The following ROR1 variants were observed in gnomAD, a reference collection of about 807,000 sequenced individuals.
ROR1 encodes inactive tyrosine-protein kinase transmembrane receptor ROR1.
In ROR1, 19 loss-of-function variants were observed where a neutral mutation model predicts 78.8. That is an observed-to-expected ratio of 0.24 (90% CI 0.17 to 0.35). The LOEUF is 0.35. Among genes scored for constraint, ROR1 ranks in the 10% least tolerant of loss-of-function variants. ROR1 has a pLI of 1.00. For synonymous variants in ROR1, 386 were observed against 433.6 expected (o/e 0.89, Z 1.36); for missense variants, 917 against 1,177.8 (o/e 0.78, Z 3.24).
chr1:64,082,548 G>T (rs1647112445), intron 4 of ROR1, among the ~76,000 whole-genome samples: 2 of 152,204 alleles, frequency 1.3e-5, no homozygotes, highest in African/African-American at 2.4e-5. Context: ...TCTAAGAAGT[G>T]CAGTTATCTG....
rs563083345 is a variant in ROR1 at position 64,171,597 on chromosome 1, A to G, written c.1387-5831A>G. Reference sequence around the variant, plus strand: ...AAAAAGGGCAGCAGTCAGTCTTGGGACATTAGAACATGGGGAATTAACTGG... The same window carrying G: ...AAAAAGGGCAGCAGTCAGTCTTGGGGCATTAGAACATGGGGAATTAACTGG... On this transcript the variant is annotated intron_variant, in intron 8 of 8. Coordinates refer to ENST00000371079, the MANE Select transcript of ROR1 (RefSeq NM_005012.4). Among the ~76,000 whole-genome samples, 9 of 152,312 alleles carry G rather than the reference A, an allele frequency of 5.9e-5. No homozygotes were observed. In the South Asian group the frequency reaches 1.7e-3, roughly 28 times the overall value.
At chr1:64,114,129 A>G (rs72916924) in intron 4 of ROR1, among the ~76,000 whole-genome samples, 2,016 of 152,134 alleles carry the variant, frequency 0.013, 42 homozygotes, top group African/African-American at 0.046. Context: ...AGCCTCACCT[A>G]CCAGGGGTAG....
chr1:63,921,971 G>A (rs1373949095), intron 1 of ROR1, among the ~76,000 whole-genome samples: 1 of 152,166 alleles, frequency 6.6e-6, no homozygotes, highest in Non-Finnish European at 1.5e-5. Flanking sequence ...TATCTCAGGA[G>A]CTCCCACTTT....
chr1:64,015,219 T>G (rs1258108298), intron 2 of ROR1, among the ~76,000 whole-genome samples: 2 of 152,068 alleles, frequency 1.3e-5, no homozygotes, highest in Admixed American at 6.6e-5. Flanking sequence ...TCCCACCAGG[T>G]TCCTCCCACG....
intron 1 of ROR1, among the ~76,000 whole-genome samples, chr1:63,884,895 A>G (rs974511367): frequency 2.0e-5 from 3 of 152,044 alleles, no homozygotes; most frequent in Admixed American, 2.0e-4. Context: ...GAGACATAAA[A>G]TAGCATAGTG....
intron 1 of ROR1, among the ~76,000 whole-genome samples, chr1:63,823,276 G>A (rs1644933930): frequency 6.6e-6 from 1 of 151,950 alleles, no homozygotes. Flanking sequence ...CCCAGTAAAT[G>A]TTGAATCCTC....
intron 1 of ROR1, among the ~76,000 whole-genome samples, chr1:63,791,609 C>A (rs998852): frequency 0.6 from 90,568 of 151,880 alleles, 28,221 homozygotes; most frequent in East Asian, 0.81. Context: ...CTGAGACCCC[C>A]ATGCCTCATT....
chr1:63,822,780 C>T (rs1268578357), intron 1 of ROR1, among the ~76,000 whole-genome samples: 2 of 152,264 alleles, frequency 1.3e-5, no homozygotes, highest in African/African-American at 4.8e-5. Context: ...TTGGGCATTA[C>T]TCCTCTCTCT....
intron 1 of ROR1, among the ~76,000 whole-genome samples, chr1:63,851,819 A>G (rs992354385): frequency 1.3e-5 from 2 of 152,248 alleles, no homozygotes; most frequent in East Asian, 1.9e-4. Context: ...AAATAATCCT[A>G]TAATCCTTCC....
At chr1:63,864,142 G>A (rs1283442219) in intron 1 of ROR1, among the ~76,000 whole-genome samples, 1 of 152,134 alleles carries the variant, frequency 6.6e-6, no homozygotes, top group Non-Finnish European at 1.5e-5. Context: ...TTAGAGATAA[G>A]ACAACCGAGG....
chr1:64,142,254 G>C (rs989260309), intron 6 of ROR1, 151 bp from the exon 7 acceptor site: 2 of 1,288,808 alleles, frequency 1.6e-6, no homozygotes, highest in African/African-American at 3.0e-5. Flanking sequence ...AGCAAAGCAG[G>C]GAGACTGTCC....
intron 4 of ROR1, among the ~76,000 whole-genome samples, chr1:64,130,191 A>G (rs1381341005): frequency 1.3e-5 from 2 of 152,182 alleles, no homozygotes; most frequent in Non-Finnish European, 2.9e-5. Context: ...CCAATAAAAG[A>G]AAAAGGGATG....
Position 64,180,167 on chromosome 1 carries a change from C to G in ROR1, c.*1312C>G, listed in dbSNP as rs1463415191. The G allele has an allele frequency of 3.9e-5, 6 of 152,176 alleles. No individual in the cohort carries two copies. Among genetic ancestry groups the G allele is most frequent in the Non-Finnish European group, 2.9e-5 (2 of 68,030 alleles). 9.4% of individuals were successfully genotyped at this position (152,176 alleles called of 1,614,324 possible). A position where few individuals can be genotyped will look rare whatever the true frequency, so the allele number is the denominator to read the frequency against. ...AGTGGGAGGTTTCAAATGTGCAGCT[C>G]ATGGCATTTACCTGCCGACCATCTT... On this transcript the variant is annotated 3_prime_UTR_variant, in exon 9 of 9. Coordinates refer to ENST00000371079, the MANE Select transcript of ROR1 (RefSeq NM_005012.4).
chr1:63,911,577 T>TC (rs960945860), intron 1 of ROR1, among the ~76,000 whole-genome samples: 24 of 150,548 alleles, frequency 1.6e-4, no homozygotes, highest in African/African-American at 5.4e-4. Flanking sequence ...CCCGAAACCA[T>TC]CCCCCCCACC....
chr1:63,924,200 T>C (rs553787754), intron 1 of ROR1, among the ~76,000 whole-genome samples: 3 of 152,274 alleles, frequency 2.0e-5, no homozygotes, highest in Middle Eastern at 3.4e-3. Flanking sequence ...TACAGTGTTT[T>C]AATTTTCTTC....
chr1:63,782,658 A>C (rs1052036357), intron 1 of ROR1, among the ~76,000 whole-genome samples: 1 of 149,306 alleles, frequency 6.7e-6, no homozygotes, highest in Non-Finnish European at 1.5e-5. Context: ...CAGCATTTTT[A>C]GATAGAATAA....
Position 64,177,431 on chromosome 1 carries a change from A to G in ROR1, c.1390A>G (p.Lys464Glu). The change falls in exon 9 of 9, where the codon AAG (lysine) becomes GAG (glutamate). Residue 464 changes from lysine to glutamate, a missense_variant. Lys to Glu is a moderately conservative substitution (Grantham distance 56, BLOSUM62 1). This residue lies in a region of ROR1 where 835 missense variants were observed against 1,069.8 expected (regional missense o/e 0.78). Transcript: ENST00000371079. The stretch of plus-strand genomic sequence containing the variant: ...GTTTTTCCTCTCTTTCATACAGAGC[A>G]AGGCTAAAGAGCTACCTCTTTCTGC... ...SMLNAYKPKS[K>E]AKELPLSAVR... is the part of the protein sequence containing the mutation. The G allele has an allele frequency of 6.2e-7, 1 of 1,611,528 alleles. No homozygotes were observed. Among genetic ancestry groups the G allele is most frequent in the Non-Finnish European group, 8.5e-7 (1 of 1,178,940 alleles).
At chr1:63,813,265 A>G (rs1195714991) in intron 1 of ROR1, among the ~76,000 whole-genome samples, 3 of 152,198 alleles carry the variant, frequency 2.0e-5, no homozygotes, top group Non-Finnish European at 2.9e-5. Context: ...GGATTTGTAG[A>G]ATTTTCATTT....
chr1:63,976,144 C>T (rs1343365195), intron 1 of ROR1, among the ~76,000 whole-genome samples: 1 of 152,258 alleles, frequency 6.6e-6, no homozygotes, highest in East Asian at 1.9e-4. Flanking sequence ...CCCTGTGATA[C>T]ACTAGTGGTA....
Sources: allele counts gnomAD v4.1 joint callset (sites outside exome capture counted in the v4.1 genomes callset), GRCh38; gene constraint gnomAD v4.1.1; regional missense constraint gnomAD v4.1.1; transcripts MANE v1.5; gene names NCBI Gene and HGNC (gene_info 2026-07-23, HGNC 2026-07-21).